Variants in DSCAM observed in about 807,000 individuals in gnomAD.
DSCAM encodes the protein DS cell adhesion molecule, also known as cell adhesion molecule DSCAM.
A neutral mutation model predicts 217.7 loss-of-function variants in DSCAM; 47 were observed. That is an observed-to-expected ratio of 0.22 (90% CI 0.17 to 0.28). The LOEUF (loss-of-function observed/expected upper bound fraction) is 0.28, where lower values mean the gene tolerates loss of function less well. Ranked by LOEUF, DSCAM falls within the 10% of genes least tolerant of loss-of-function variation. The pLI is 1.00. For missense variants in DSCAM, 2,080 were observed against 2,618.3 expected (o/e 0.79, Z 4.49); for synonymous variants, 1,056 against 1,015.3 (o/e 1.04, Z -0.76).
At chr21:40,825,279 T>G (rs914098945) in intron 1 of DSCAM, among the ~76,000 whole-genome samples, 9 of 132,050 alleles carry the variant, frequency 6.8e-5, no homozygotes, top group African/African-American at 2.8e-4. Flanking sequence ...CCTTCCTTCC[T>G]TCCTTCCTTC....
chr21:40,363,766 T>C (rs2123683027), intron 4 of DSCAM, among the ~76,000 whole-genome samples: 1 of 152,248 alleles, frequency 6.6e-6, no homozygotes, highest in East Asian at 1.9e-4. Flanking sequence ...GAGAAAATTT[T>C]TGCAATCTAC....
intron 3 of DSCAM, among the ~76,000 whole-genome samples, chr21:40,447,762 A>G (rs530797278): frequency 8.5e-5 from 13 of 152,268 alleles, no homozygotes; most frequent in African/African-American, 2.6e-4. Flanking sequence ...AATGACATTA[A>G]TTTTTTTCTC....
intron 3 of DSCAM, among the ~76,000 whole-genome samples, chr21:40,548,201 C>T (rs1396959006): frequency 6.6e-6 from 1 of 152,180 alleles, no homozygotes; most frequent in Non-Finnish European, 1.5e-5. Context: ...CAACAGCCAC[C>T]CGAGGGCCTA....
At chr21:40,214,515 G>C (rs1172135144) in intron 11 of DSCAM, among the ~76,000 whole-genome samples, 5 of 152,076 alleles carry the variant, frequency 3.3e-5, no homozygotes, top group African/African-American at 1.2e-4. Flanking sequence ...GATTCACACT[G>C]TGAACTTTTT....
chr21:40,681,918 CCTGACAGGGACCCTCCCCAGAGTA>C (rs972946645), intron 3 of DSCAM, among the ~76,000 whole-genome samples: 2 of 152,150 alleles, frequency 1.3e-5, no homozygotes, highest in Non-Finnish European at 1.5e-5. Flanking sequence ...TGCTGGGAGG[CCTGACAGGGACCCTCCCCAGAGTA>C]CTGACAGAGA....
At chr21:40,206,870 C>CA in intron 11 of DSCAM, among the ~76,000 whole-genome samples, 1 of 152,106 alleles carries the variant, frequency 6.6e-6, no homozygotes, top group Non-Finnish European at 1.5e-5. Context: ...CTGTTCATGC[C>CA]ACTGCATTCC....
At chr21:40,459,717 C>G (rs951151966) in intron 3 of DSCAM, among the ~76,000 whole-genome samples, 1 of 152,072 alleles carries the variant, frequency 6.6e-6, no homozygotes, top group Admixed American at 6.6e-5. Flanking sequence ...TCAAACAACT[C>G]TAGCAAAATA....
At chr21:40,542,649 G>C (rs529378550) in intron 3 of DSCAM, among the ~76,000 whole-genome samples, 1 of 152,342 alleles carries the variant, frequency 6.6e-6, no homozygotes, top group African/African-American at 2.4e-5. Flanking sequence ...CCAGATGACA[G>C]ATCTGCTGAC....
In DSCAM at chr21:40,114,222, C is replaced by A. The variant is rs77470249; in HGVS notation, c.3696+9973G>T. 2.2e-4 allele frequency among the ~76,000 whole-genome samples: 31 copies of A among 138,540 alleles called. No homozygotes were observed. The East Asian group carries it at 6.1e-3, about 27-fold the overall frequency. 90.9% of individuals were successfully genotyped at this position (138,540 alleles called of 152,430 possible). A position where few individuals can be genotyped will look rare whatever the true frequency, so the allele number is the denominator to read the frequency against. ...ACTGGTACCAAAACAGAGATATAGA[C>A]CAATGGAACAGAACAGAGCCCTCAG... On this transcript the variant is annotated intron_variant, in intron 20 of 32. Coordinates refer to ENST00000400454, the MANE Select transcript of DSCAM (RefSeq NM_001389.5).
intron 11 of DSCAM, among the ~76,000 whole-genome samples, chr21:40,191,093 T>G (rs944871254): frequency 2.6e-5 from 4 of 152,208 alleles, no homozygotes; most frequent in African/African-American, 9.6e-5. Context: ...CTCGTAAGAC[T>G]TCCAAGGTAC....
intron 1 of DSCAM, among the ~76,000 whole-genome samples, chr21:40,747,289 T>A (rs530921306): frequency 2.5e-4 from 37 of 146,964 alleles, no homozygotes; most frequent in Admixed American, 2.0e-4. Flanking sequence ...TTTGTTTAAA[T>A]AAAAAAAAAA....
intron 3 of DSCAM, among the ~76,000 whole-genome samples, chr21:40,663,287 G>A (rs1019295303): frequency 6.6e-5 from 10 of 151,228 alleles, no homozygotes; most frequent in African/African-American, 1.9e-4. Context: ...GTATATGTGT[G>A]TGTGTGTGGT....
chr21:40,780,828 C>T (rs1022397750), intron 1 of DSCAM, among the ~76,000 whole-genome samples: 2 of 152,002 alleles, frequency 1.3e-5, no homozygotes, highest in Admixed American at 6.6e-5. Context: ...GTTGTTGAAG[C>T]CACTAGTCTG....
At chr21:40,225,922 T>C (rs2091328967) in intron 11 of DSCAM, among the ~76,000 whole-genome samples, 1 of 152,172 alleles carries the variant, frequency 6.6e-6, no homozygotes, top group Non-Finnish European at 1.5e-5. Context: ...ATCACTACAT[T>C]GATATATTTT....
intron 3 of DSCAM, among the ~76,000 whole-genome samples, chr21:40,608,340 T>TAA (rs2089269947): frequency 6.6e-6 from 1 of 152,206 alleles, no homozygotes. Context: ...ATCCTGTGAT[T>TAA]ATATGCAAAA....
chr21:40,430,520 C>T (rs1441908021), intron 3 of DSCAM, among the ~76,000 whole-genome samples: 1 of 152,224 alleles, frequency 6.6e-6, no homozygotes, highest in Admixed American at 6.5e-5. Flanking sequence ...CCAAGCTCTT[C>T]AGTTTTGGGA....
rs779396673 is a variant in DSCAM at position 40,016,015 on chromosome 21, C to G, written c.5687-2629G>C. Among the ~76,000 whole-genome samples the G allele has an allele frequency of 6.6e-6, 1 of 152,218 alleles. No individual in the cohort carries two copies. Among genetic ancestry groups the G allele is most frequent in the African/African-American group, 2.4e-5 (1 of 41,448 alleles). The stretch of plus-strand genomic sequence containing the variant: ...GAACCCAGGGAGCTGTTTCTGGCCA[C>G]CTTGAGGTCTGAAGGACTCACCATC... On this transcript the variant is annotated intron_variant, in intron 32 of 32. Transcript: ENST00000400454. The surrounding 1 kb of genome is among the most constrained non-coding windows in gnomAD (Gnocchi z 4.3).
intron 3 of DSCAM, among the ~76,000 whole-genome samples, chr21:40,403,581 A>G (rs934949102): frequency 1.3e-5 from 2 of 151,678 alleles, no homozygotes; most frequent in Non-Finnish European, 2.9e-5. Flanking sequence ...CAGGCTAATC[A>G]TTGTCATCAA....
intron 1 of DSCAM, among the ~76,000 whole-genome samples, chr21:40,754,189 A>C (rs190623877): frequency 6.6e-6 from 1 of 152,160 alleles, no homozygotes; most frequent in Admixed American, 6.5e-5. Flanking sequence ...CCACTATTCA[A>C]GTTCTCCTGA....
Sources: gnomAD v4.1 joint callset for allele counts (sites outside exome capture counted in the v4.1 genomes callset) on GRCh38, gnomAD v4.1.1 for gene constraint, Gnocchi (gnomAD v3.1) non-coding constraint, MANE v1.5 for transcripts, NCBI Gene and HGNC (gene_info 2026-07-23, HGNC 2026-07-21) for gene names.